The following PHACTR1 variants were observed in gnomAD, a reference collection of about 807,000 sequenced individuals.
The protein encoded by PHACTR1 is phosphatase and actin regulator 1.
In PHACTR1, 16 loss-of-function variants were observed where a neutral mutation model predicts 69.2. The ratio of observed to expected loss-of-function variants is 0.23; its 90% CI spans 0.16 to 0.35. The LOEUF (loss-of-function observed/expected upper bound fraction) is 0.35, where lower values mean the gene tolerates loss of function less well. Among genes scored for constraint, PHACTR1 ranks in the 10% least tolerant of loss-of-function variants. The pLI, the probability that PHACTR1 is intolerant of heterozygous loss-of-function variation, is 1.00. For missense variants in PHACTR1, 510 were observed against 734.7 expected (o/e 0.69, Z 3.54); for synonymous variants, 312 against 284.5 (o/e 1.10, Z -0.97).
At chr6:12,886,373 C>T (rs1783639174) in intron 4 of PHACTR1, among the ~76,000 whole-genome samples, 1 of 152,144 alleles carries the variant, frequency 6.6e-6, no homozygotes, top group South Asian at 2.1e-4. Flanking sequence ...GAGCAATTCC[C>T]ATATCAGAGA....
At chr6:12,969,254 A>T (rs1233388265) in intron 4 of PHACTR1, among the ~76,000 whole-genome samples, 1 of 152,222 alleles carries the variant, frequency 6.6e-6, no homozygotes, top group South Asian at 2.1e-4. Flanking sequence ...AAAATCAGAT[A>T]TCTTATCTGA....
chr6:12,955,378 A>T (rs1010576916), intron 4 of PHACTR1, among the ~76,000 whole-genome samples: 6 of 151,714 alleles, frequency 4.0e-5, no homozygotes, highest in Non-Finnish European at 8.8e-5. Context: ...TTTTAAAAAA[A>T]ATTTTTTATA....
chr6:13,222,287 ACTCT>A lies in PHACTR1; in HGVS notation c.987-5525_987-5522del, dbSNP rs1562019459. Among the ~76,000 whole-genome samples, 3 of 152,276 alleles carry A rather than the reference ACTCT, an allele frequency of 2.0e-5. No homozygotes were observed. The South Asian group carries it at 6.2e-4, about 32-fold the overall frequency. On this transcript the variant is annotated intron_variant, in intron 8 of 14. Transcript: ENST00000332995. ...GTTGATAGGTACTCTGGAAGATGTGACTCTCTCAGACCACTGAGTGTCATTCAGT... is the reference window on the plus strand; with the variant it reads ...GTTGATAGGTACTCTGGAAGATGTGACTCAGACCACTGAGTGTCATTCAGT...
chr6:13,013,726 C>CA (rs1218463027), intron 4 of PHACTR1, among the ~76,000 whole-genome samples: 3 of 151,032 alleles, frequency 2.0e-5, no homozygotes, highest in African/African-American at 7.2e-5. Flanking sequence ...TCGGCGAGGT[C>CA]AAGACCCTTT....
chr6:13,119,847 A>G (rs16873625), intron 5 of PHACTR1, among the ~76,000 whole-genome samples: 8,984 of 152,188 alleles, frequency 0.059, 315 homozygotes, highest in Admixed American at 0.093. Context: ...TCCCTGTGTC[A>G]TTTTCCAGGA....
At chr6:12,769,812 C>G (rs1254960200) in intron 4 of PHACTR1, among the ~76,000 whole-genome samples, 2 of 152,190 alleles carry the variant, frequency 1.3e-5, no homozygotes, top group Non-Finnish European at 2.9e-5. Flanking sequence ...ATTGCTTCTC[C>G]TTCTGTACAG....
intron 4 of PHACTR1, among the ~76,000 whole-genome samples, chr6:12,763,256 A>AC (rs200282763): frequency 1.8e-4 from 26 of 147,156 alleles, no homozygotes; most frequent in Non-Finnish European, 3.2e-4. Flanking sequence ...AACAACAACA[A>AC]AACAGCAGCC....
At chr6:13,060,590 A>G (rs1450913872) in intron 5 of PHACTR1, among the ~76,000 whole-genome samples, 1 of 152,228 alleles carries the variant, frequency 6.6e-6, no homozygotes, top group Admixed American at 6.5e-5. Context: ...GTATCAGAAA[A>G]GGAATGAACT....
intron 4 of PHACTR1, among the ~76,000 whole-genome samples, chr6:12,984,015 A>T (rs1795836903): frequency 2.0e-5 from 3 of 152,192 alleles, no homozygotes; most frequent in Admixed American, 1.3e-4. Context: ...ATACATGTGC[A>T]TGTGTCTTTA....
chr6:13,006,745 T>A (rs988490696), intron 4 of PHACTR1, among the ~76,000 whole-genome samples: 7 of 152,184 alleles, frequency 4.6e-5, no homozygotes, highest in African/African-American at 1.7e-4. Flanking sequence ...ACTCCCAAAT[T>A]TCAGCAGCAT....
At chr6:12,720,251 C>T (rs752722344) in intron 3 of PHACTR1, among the ~76,000 whole-genome samples, 1 of 152,192 alleles carries the variant, frequency 6.6e-6, no homozygotes, top group Non-Finnish European at 1.5e-5. Context: ...GTCCATTCGA[C>T]TGGAATGAGA....
At chr6:13,238,145 G>A (rs980458884) in intron 10 of PHACTR1, among the ~76,000 whole-genome samples, 6 of 152,192 alleles carry the variant, frequency 3.9e-5, no homozygotes, top group South Asian at 2.1e-4. Flanking sequence ...GTGAAGTAGC[G>A]TCACTGCTTT....
At chr6:12,804,547 G>C (rs754924958) in intron 4 of PHACTR1, among the ~76,000 whole-genome samples, 1 of 152,184 alleles carries the variant, frequency 6.6e-6, no homozygotes, top group Non-Finnish European at 1.5e-5. Flanking sequence ...ATTTTATCAG[G>C]CTGGGCCCAG....
chr6:13,188,871 C>A, intron 7 of PHACTR1, among the ~76,000 whole-genome samples: 1 of 152,200 alleles, frequency 6.6e-6, no homozygotes, highest in East Asian at 1.9e-4. Context: ...AGTACAGTGT[C>A]CGACAGAGCT....
At chr6:13,281,264 A>C in intron 12 of PHACTR1, 2 of 576,182 alleles carry the variant, frequency 3.5e-6, no homozygotes, top group Non-Finnish European at 2.6e-6. Flanking sequence ...TCAGAAAATA[A>C]CCCTTTGGGC....
chr6:13,134,132 C>T (rs933031888), intron 5 of PHACTR1, among the ~76,000 whole-genome samples: 16 of 151,786 alleles, frequency 1.1e-4, no homozygotes, highest in Admixed American at 8.5e-4. Context: ...GGAGCGTCTC[C>T]GCCTGGCAGC....
chr6:13,003,980 C>T (rs9473201), intron 4 of PHACTR1, among the ~76,000 whole-genome samples: 29,250 of 95,198 alleles, frequency 0.31, 6,548 homozygotes, highest in African/African-American at 0.52. Flanking sequence ...TATATATATA[C>T]ACATATATAT....
At chr6:13,271,814 C>T (rs1777799809) in intron 10 of PHACTR1, among the ~76,000 whole-genome samples, 1 of 151,990 alleles carries the variant, frequency 6.6e-6, no homozygotes, top group African/African-American at 2.4e-5. Context: ...GATATTTTCA[C>T]TCTAGGATCT....
chr6:12,873,270 G>T (rs1158642829), intron 4 of PHACTR1, among the ~76,000 whole-genome samples: 1 of 152,092 alleles, frequency 6.6e-6, no homozygotes, highest in Non-Finnish European at 1.5e-5. Context: ...TCCCACATTA[G>T]CCTCCCAAAG....
Sources: allele counts gnomAD v4.1 joint callset (sites outside exome capture counted in the v4.1 genomes callset), GRCh38; gene constraint gnomAD v4.1.1; transcripts MANE v1.5; gene names NCBI Gene and HGNC (gene_info 2026-07-23, HGNC 2026-07-21).